MDGA2: variants seen among roughly 807,000 people sequenced by gnomAD.
MDGA2 encodes MAM domain-containing glycosylphosphatidylinositol anchor protein 2.
A neutral mutation model predicts 117.8 loss-of-function variants in MDGA2; 40 were observed. The ratio of observed to expected loss-of-function variants is 0.34; its 90% CI spans 0.26 to 0.44. MDGA2 has a LOEUF of 0.44. MDGA2 is among the 20% of genes least tolerant of loss of function. The pLI, the probability that MDGA2 is intolerant of heterozygous loss-of-function variation, is 1.00. For missense variants in MDGA2, 1,123 were observed against 1,250.6 expected (o/e 0.90, Z 1.54); for synonymous variants, 452 against 439.0 (o/e 1.03, Z -0.37).
At chr14:47,059,892 A>G (rs1342317356) in intron 7 of MDGA2, among the ~76,000 whole-genome samples, 1 of 152,074 alleles carries the variant, frequency 6.6e-6, no homozygotes, top group African/African-American at 2.4e-5. Context: ...CTCTTACAGG[A>G]AATATTATAT....
chr14:46,866,766 A>G (rs1417711277), intron 14 of MDGA2, among the ~76,000 whole-genome samples: 1 of 152,158 alleles, frequency 6.6e-6, no homozygotes, highest in Admixed American at 6.5e-5. Context: ...GAAGACATTT[A>G]TGCAGCCAAA....
At position 47,035,179 on chromosome 14, in the gene MDGA2, T is replaced by C. The variant is rs374358932; in HGVS notation, c.1651A>G (p.Lys551Glu). The C allele has an allele frequency of 3.5e-5, 56 of 1,614,048 alleles. 1 individual carries two copies. Among genetic ancestry groups the C allele is most frequent in the Admixed American group, 8.3e-5 (5 of 60,008 alleles). The change falls in exon 8 of 17, where the codon AAA becomes GAA. Residue 551 changes from lysine to glutamate, a missense_variant. Coordinates refer to ENST00000399232, the MANE Select transcript of MDGA2 (RefSeq NM_001113498.3). ...GATCCATCAGGCATTGCAACTTCTT[T>C]ATCCGCTCTAGACCAAAGGATGATT... ...KPIILWSRAD[K>E]EVAMPDGSMQ...
At chr14:47,535,903 T>G (rs1895200640) in intron 1 of MDGA2, among the ~76,000 whole-genome samples, 2 of 152,208 alleles carry the variant, frequency 1.3e-5, no homozygotes, top group Non-Finnish European at 2.9e-5. Flanking sequence ...CGGCTGGGGA[T>G]TGGCTGGTCT....
intron 1 of MDGA2, among the ~76,000 whole-genome samples, chr14:47,394,712 T>A (rs1322403691): frequency 6.6e-6 from 1 of 152,194 alleles, no homozygotes; most frequent in Non-Finnish European, 1.5e-5. Flanking sequence ...TTAAAATGTG[T>A]GGATTTATTC....
chr14:47,330,269 T>C (rs1890256591), intron 1 of MDGA2, among the ~76,000 whole-genome samples: 1 of 151,962 alleles, frequency 6.6e-6, no homozygotes. Flanking sequence ...CTGATACACA[T>C]TTCAAGAATT....
At chr14:47,347,106 C>T (rs534048644) in intron 1 of MDGA2, among the ~76,000 whole-genome samples, 19 of 152,190 alleles carry the variant, frequency 1.2e-4, no homozygotes, top group African/African-American at 3.6e-4. Context: ...AATGATCAGA[C>T]GTAAGTAGGG....
intron 1 of MDGA2, among the ~76,000 whole-genome samples, chr14:47,584,800 C>T (rs1896294027): frequency 6.6e-6 from 1 of 151,776 alleles, no homozygotes; most frequent in Non-Finnish European, 1.5e-5. Context: ...GCCTACATCC[C>T]ATTAATACCC....
chr14:47,378,792 T>C (rs1340520474), intron 1 of MDGA2, among the ~76,000 whole-genome samples: 1 of 152,168 alleles, frequency 6.6e-6, no homozygotes, highest in African/African-American at 2.4e-5. Flanking sequence ...GAAAACACTC[T>C]TCAGGATATT....
chr14:47,395,918 T>C (rs527836505), intron 1 of MDGA2, among the ~76,000 whole-genome samples: 1 of 152,282 alleles, frequency 6.6e-6, no homozygotes, highest in South Asian at 2.1e-4. Context: ...TAGCAATTTA[T>C]GCCACAGGTT....
rs118000275 is a variant in MDGA2 at position 47,556,909 on chromosome 14, G to T, written c.280+117608C>A. ...ATTAAAAAATTTAATGCACACAATA[G>T]CTCTGTAATCGAGGATTTCTCCCCA... On this transcript the variant is annotated intron_variant, in intron 1 of 16. Coordinates refer to ENST00000399232, the MANE Select transcript of MDGA2 (RefSeq NM_001113498.3). 8.8e-3 allele frequency among the ~76,000 whole-genome samples: 1,337 copies of T among 152,228 alleles called. 14 individuals carry two copies. Among genetic ancestry groups the T allele is most frequent in the Middle Eastern group, 0.024 (7 of 294 alleles).
Position 47,424,344 on chromosome 14 carries a change from G to T in MDGA2, c.281-122794C>A, listed in dbSNP as rs535531894. ...AGGCTGATGTGGGAAGAGGATTTGA[G>T]CCTGGGAGATGCAGGCTACAGTGAA... On this transcript the variant is annotated intron_variant, in intron 1 of 16. Transcript: ENST00000399232. Among the ~76,000 whole-genome samples, 15 of 151,740 alleles carry T rather than the reference G, an allele frequency of 9.9e-5. No individual in the cohort carries two copies. In the South Asian group the frequency reaches 3.1e-3, roughly 32 times the overall value.
intron 2 of MDGA2, among the ~76,000 whole-genome samples, chr14:47,249,215 C>T (rs964262546): frequency 1.3e-5 from 2 of 151,614 alleles, no homozygotes; most frequent in African/African-American, 2.4e-5. Context: ...GACGGGATTT[C>T]ACCATGTTAG....
chr14:47,282,554 C>G (rs1387764440), intron 2 of MDGA2, among the ~76,000 whole-genome samples: 1 of 150,424 alleles, frequency 6.6e-6, no homozygotes, highest in Non-Finnish European at 1.5e-5. Flanking sequence ...ACAAATTAGC[C>G]GGGTGTGGCG....
chr14:47,351,879 G>A (rs940097098), intron 1 of MDGA2, among the ~76,000 whole-genome samples: 7 of 148,456 alleles, frequency 4.7e-5, no homozygotes, highest in Non-Finnish European at 8.9e-5. Flanking sequence ...AGGACTTATA[G>A]ATGTTATATG....
chr14:46,914,822 T>C (rs1319180810), intron 10 of MDGA2, among the ~76,000 whole-genome samples: 3 of 152,122 alleles, frequency 2.0e-5, no homozygotes, highest in African/African-American at 4.8e-5. Flanking sequence ...TTGTACTAGA[T>C]AACCTAGGTA....
intron 8 of MDGA2, among the ~76,000 whole-genome samples, chr14:46,999,536 C>T (rs1887428088): frequency 6.6e-6 from 1 of 151,988 alleles, no homozygotes. Context: ...CCTGATATTC[C>T]TCTTTGCAAT....
intron 5 of MDGA2, among the ~76,000 whole-genome samples, chr14:47,104,026 C>A (rs1233672205): frequency 2.0e-5 from 3 of 152,174 alleles, no homozygotes; most frequent in Non-Finnish European, 4.4e-5. Flanking sequence ...CTTGTCTTAA[C>A]TGACTTTGTA....
chr14:46,986,778 G>T (rs1886875130), intron 8 of MDGA2, among the ~76,000 whole-genome samples: 1 of 152,066 alleles, frequency 6.6e-6, no homozygotes, highest in African/African-American at 2.4e-5. Context: ...TTTAATTATT[G>T]AAGTCAGTAG....
At chr14:47,076,822 T>C (rs1890513583) in intron 6 of MDGA2, among the ~76,000 whole-genome samples, 1 of 152,040 alleles carries the variant, frequency 6.6e-6, no homozygotes, top group Non-Finnish European at 1.5e-5. Flanking sequence ...TAGGCAATGG[T>C]GCAATACATT....
Sources: gnomAD v4.1 joint callset for allele counts (sites outside exome capture counted in the v4.1 genomes callset) on GRCh38, gnomAD v4.1.1 for gene constraint, MANE v1.5 for transcripts, NCBI Gene and HGNC (gene_info 2026-07-23, HGNC 2026-07-21) for gene names.